Variants in KDM5B observed in about 807,000 individuals in gnomAD.
KDM5B encodes the protein lysine-specific demethylase 5B.
Under a neutral mutation model 193.4 loss-of-function variants are expected in KDM5B, and 144 were observed. The observed-to-expected ratio is 0.74, with a 90% CI of 0.65 to 0.86. KDM5B has a LOEUF of 0.86. KDM5B is among the 40% of genes least tolerant of loss of function. KDM5B has a pLI of 0.00. For missense variants in KDM5B, 1,833 were observed against 1,886.9 expected (o/e 0.97, Z 0.53); for synonymous variants, 668 against 682.6 (o/e 0.98, Z 0.33).
intron 16 of KDM5B, 80 bp downstream of exon 16, chr1:202,745,778 A>G (rs1181622105): frequency 6.6e-7 from 1 of 1,514,596 alleles, no homozygotes; most frequent in African/African-American, 1.4e-5. Flanking sequence ...GTTTCAAGAA[A>G]TGTTTTGTTG....
chr1:202,740,236 C>A (rs1398965767), intron 20 of KDM5B, among the ~76,000 whole-genome samples: 8 of 147,230 alleles, frequency 5.4e-5, no homozygotes, highest in Non-Finnish European at 1.1e-4. Flanking sequence ...TGGGGGCTGA[C>A]CCTCCCGCCT....
chr1:202,749,510 T>C (rs1256364639), intron 13 of KDM5B, among the ~76,000 whole-genome samples: 2 of 152,258 alleles, frequency 1.3e-5, no homozygotes, highest in South Asian at 2.1e-4. Context: ...TGAGCCATGA[T>C]TGCACCACTG....
chr1:202,739,802 G>A lies in KDM5B; in HGVS notation c.3084+872C>T, dbSNP rs545521316. Reference sequence around the variant, plus strand: ...GCACAGGGTTGGGGGTAAGGTCACCGATCAACAGGATCCCAAGGCAGAAGA... The same window carrying A: ...GCACAGGGTTGGGGGTAAGGTCACCAATCAACAGGATCCCAAGGCAGAAGA... On this transcript the variant is annotated intron_variant, in intron 20 of 26. Coordinates refer to ENST00000367265, the MANE Select transcript of KDM5B (RefSeq NM_006618.5). Among the ~76,000 whole-genome samples the A allele has an allele frequency of 1.1e-3, 163 of 152,326 alleles. 1 individual carries two copies. Among genetic ancestry groups the A allele is most frequent in the East Asian group, 9.2e-3 (48 of 5,190 alleles).
intron 12 of KDM5B, among the ~76,000 whole-genome samples, chr1:202,751,629 C>T (rs779666805): frequency 2.0e-5 from 3 of 152,100 alleles, no homozygotes; most frequent in Non-Finnish European, 4.4e-5. Flanking sequence ...ATTTAAGAGC[C>T]CTTTCTGATT....
chr1:202,794,531 G>T (rs1025717458), intron 1 of KDM5B, among the ~76,000 whole-genome samples: 1 of 152,158 alleles, frequency 6.6e-6, no homozygotes, highest in African/African-American at 2.4e-5. Context: ...TCTGCCTAAG[G>T]GCACATAAAG....
Position 202,777,732 on chromosome 1 carries a change from C to A in KDM5B, c.205-638G>T, listed in dbSNP as rs116464739. 7.8e-3 allele frequency among the ~76,000 whole-genome samples: 1,181 copies of A among 152,076 alleles called. 18 individuals are homozygous for A. The highest frequency in any genetic ancestry group is 0.027 in the African/African-American group (1,116 of 41,482). Reference sequence around the variant, plus strand: ...CAGATCAGTCTCGAACTCTACAGCTCCAATGATCCTCCCACCTTTGCCTCC... The same window carrying A: ...CAGATCAGTCTCGAACTCTACAGCTACAATGATCCTCCCACCTTTGCCTCC... On this transcript the variant is annotated intron_variant, in intron 1 of 26. Transcript: ENST00000367265.
chr1:202,785,578 CCTCAGACAACATTTACTTTATTTAAGTAA>C (rs2102319898), intron 1 of KDM5B, among the ~76,000 whole-genome samples: 1 of 106,196 alleles, frequency 9.4e-6, no homozygotes, highest in Admixed American at 1.3e-4. Context: ...CAGGTAGAAC[CCTCAGACAACATTTACTTTATTTAAGTAA>C]ATGGTCAAAA....
At chr1:202,754,335 T>C in intron 11 of KDM5B, among the ~76,000 whole-genome samples, 1 of 152,198 alleles carries the variant, frequency 6.6e-6, no homozygotes, top group East Asian at 1.9e-4. Context: ...TTGAGTGAGT[T>C]ACAGATTTTC....
rs148076597 is a variant in KDM5B at position 202,779,842 on chromosome 1, A to G, written c.205-2748T>C. Among the ~76,000 whole-genome samples the G allele has an allele frequency of 5.9e-5, 9 of 151,286 alleles. No homozygotes were observed. In the East Asian group the frequency reaches 1.4e-3, roughly 23 times the overall value. On this transcript the variant is annotated intron_variant, in intron 1 of 26. Transcript: ENST00000367265. ...AAATAAATAAATAAATAAATAAATAAATAAAAAATAAAGGAAGAAAAAACA... is the reference window on the plus strand; with the variant it reads ...AAATAAATAAATAAATAAATAAATAGATAAAAAATAAAGGAAGAAAAAACA...
At chr1:202,752,877 G>C (rs1655847528) in intron 12 of KDM5B, 28 bp downstream of exon 12, 2 of 1,586,020 alleles carry the variant, frequency 1.3e-6, no homozygotes, top group African/African-American at 1.4e-5. Flanking sequence ...TTAAGCTTGA[G>C]TGGCAGGAGG....
At chr1:202,763,411 C>T (rs535116305) in intron 6 of KDM5B, among the ~76,000 whole-genome samples, 1 of 152,220 alleles carries the variant, frequency 6.6e-6, no homozygotes, top group South Asian at 2.1e-4. Context: ...TCTAAGGTTA[C>T]ATAACTAGTT....
chr1:202,755,691 A>G (rs1655980856), intron 10 of KDM5B, among the ~76,000 whole-genome samples: 2 of 152,142 alleles, frequency 1.3e-5, no homozygotes, highest in Non-Finnish European at 2.9e-5. Flanking sequence ...ATAGAGGAAC[A>G]TAAGCCATGA....
rs185116953 is a variant in KDM5B, at chr1:202,733,497, C to T, written c.3813G>A (p.Ser1271=). ...NWQHRAQQLL[S]SGNLKFVQDR... Reference sequence around the variant, plus strand: ...CTTGCACAAATTTAAGATTCCCTGACGAAAGCAGTTGCTGGGCTCTGTGCT... The same window carrying T: ...CTTGCACAAATTTAAGATTCCCTGATGAAAGCAGTTGCTGGGCTCTGTGCT... The change falls in exon 23 of 27, where the codon TCG becomes TCA. Residue 1271 remains serine (S), a synonymous_variant. Coordinates refer to ENST00000367265, the MANE Select transcript of KDM5B (RefSeq NM_006618.5). The T allele has an allele frequency of 9.7e-5, 156 of 1,614,124 alleles. 3 individuals are homozygous for T. The East Asian group carries it at 1.7e-3, about 17-fold the overall frequency.
rs537825638 is a variant in KDM5B at position 202,778,865 on chromosome 1, G to A, written c.205-1771C>T. Among the ~76,000 whole-genome samples, 24 of 152,164 alleles carry A rather than the reference G, an allele frequency of 1.6e-4. No individual in the cohort carries two copies. In the South Asian group the frequency reaches 3.5e-3, roughly 22 times the overall value. On this transcript the variant is annotated intron_variant, in intron 1 of 26. Transcript: ENST00000367265. ...TCAAACTCCTGACCTCATATGATCC[G>A]CCTGCCTCGGCCTCCCAAAGTGCCG... is the stretch of plus-strand genomic sequence containing the variant.
At chr1:202,806,246 C>A (rs1339212315) in intron 1 of KDM5B, among the ~76,000 whole-genome samples, 1 of 152,154 alleles carries the variant, frequency 6.6e-6, no homozygotes, top group African/African-American at 2.4e-5. Context: ...ACATGGAGGA[C>A]ACCTCCCAGG....
chr1:202,739,517 C>T (rs992198005), intron 20 of KDM5B, among the ~76,000 whole-genome samples: 18 of 148,340 alleles, frequency 1.2e-4, no homozygotes, highest in Non-Finnish European at 2.7e-4. Flanking sequence ...GGGTGTTTCT[C>T]GCAGAGGGGG....
Position 202,789,484 on chromosome 1 carries a change from C to T in KDM5B, c.205-12390G>A, listed in dbSNP as rs1304247567. ...TGCAAAGTGAGCCGAGACAAGTGAACTGAGATGGCGCCACTGAACTCCAGC... is the reference window on the plus strand; with the variant it reads ...TGCAAAGTGAGCCGAGACAAGTGAATTGAGATGGCGCCACTGAACTCCAGC... On this transcript the variant is annotated intron_variant, in intron 1 of 26. Transcript: ENST00000367265. 3.2e-5 allele frequency among the ~76,000 whole-genome samples: 4 copies of T among 123,492 alleles called. No individual in the cohort carries two copies. The South Asian group carries it at 1.1e-3, about 33-fold the overall frequency. The allele number at this position is 123,492 out of a possible 152,430, so 81.0% of individuals were successfully genotyped here. A position where few individuals can be genotyped will look rare whatever the true frequency, so the allele number is the denominator to read the frequency against.
chr1:202,760,565 C>A lies in KDM5B; in HGVS notation c.927G>T (p.Leu309=), dbSNP rs1418923955. 57 of 1,609,928 alleles carry A rather than the reference C, an allele frequency of 3.5e-5. No individual in the cohort carries two copies. Among genetic ancestry groups the A allele is most frequent in the Non-Finnish European group, 4.6e-5 (54 of 1,178,160 alleles). The change falls in exon 8 of 27, where the codon CTG becomes CTT. Residue 309 remains leucine, a synonymous_variant. Transcript: ENST00000367265. ...CACTGCCACATAAAAGACAGACATA[C>A]AGGTCCACCTGTAGCAATAAAAGTG... ...RSKKATNAVD[L]YVCLLCGSGN...
At chr1:202,782,551 C>A (rs1375056696) in intron 1 of KDM5B, among the ~76,000 whole-genome samples, 1 of 152,094 alleles carries the variant, frequency 6.6e-6, no homozygotes, top group Non-Finnish European at 1.5e-5. Context: ...AAGGTAAATA[C>A]AACAGATCAT....
Sources: allele counts gnomAD v4.1 joint callset (sites outside exome capture counted in the v4.1 genomes callset), GRCh38; gene constraint gnomAD v4.1.1; transcripts MANE v1.5; gene names NCBI Gene and HGNC (gene_info 2026-07-23, HGNC 2026-07-21).